SSUH2: variants seen among roughly 807,000 people sequenced by gnomAD.
SSUH2 encodes ssu-2 homolog, also known as protein SSUH2 homolog.
In SSUH2, 47 loss-of-function variants were observed where a neutral mutation model predicts 55.3. That is an observed-to-expected ratio of 0.85 (90% confidence interval 0.67 to 1.08). SSUH2 has a LOEUF of 1.08. SSUH2 is among the 50% of genes least tolerant of loss of function. SSUH2 has a pLI of 0.00. For synonymous variants in SSUH2, 212 were observed against 191.5 expected (o/e 1.11, Z -0.89); for missense variants, 535 against 490.7 (o/e 1.09, Z -0.85).
At chr3:8,647,284 C>T (rs547802586), upstream of SSUH2, among the ~76,000 whole-genome samples, 7 of 152,356 alleles carry the variant, frequency 4.6e-5, no homozygotes, top group East Asian at 7.7e-4. Context: ...CGCAGGCATG[C>T]GGAGAGCTGG....
At chr3:8,672,905 C>T (rs750974642) in intron 3 of SSUH2, among the ~76,000 whole-genome samples, 1 of 152,058 alleles carries the variant, frequency 6.6e-6, no homozygotes, top group Non-Finnish European at 1.5e-5. Context: ...GGTGGGTGTA[C>T]ACCTGCTGCG....
At chr3:8,660,176 G>A (rs1240364900) in intron 6 of SSUH2, among the ~76,000 whole-genome samples, 2 of 152,170 alleles carry the variant, frequency 1.3e-5, no homozygotes, top group African/African-American at 4.8e-5. Context: ...TACCTGGCTA[G>A]TTGTAATGCA....
At chr3:8,646,518 G>A (rs752752082), upstream of SSUH2, among the ~76,000 whole-genome samples, 2 of 152,218 alleles carry the variant, frequency 1.3e-5, no homozygotes, top group Non-Finnish European at 2.9e-5. Context: ...GTGCTGATCA[G>A]CAGAAATGAC....
At position 8,629,704 on chromosome 3, in the gene SSUH2, C is replaced by A. The variant is rs113259595; in HGVS notation, c.548G>T (p.Arg183Leu). 6.3e-6 allele frequency: 10 copies of A among 1,590,326 alleles called. No individual in the cohort carries two copies. In the Admixed American group the frequency reaches 1.5e-4, roughly 24 times the overall value. ...GCAGCCGCTGCACTTGTACCGCCCA[C>A]GCCCATGGCATTTGTGGCATTCCTG... is the stretch of plus-strand genomic sequence containing the variant. ...LVKECHKCHG[R>L]GRYKCSGCHG... is the part of the protein sequence containing the mutation. Residue 183 changes from arginine to leucine, a missense_variant, in exon 7 of 12, where the codon CGT (arginine) becomes CTT (leucine). Transcript: ENST00000544814.
intron 3 of SSUH2, 136 bp downstream of exon 3, chr3:8,635,164 G>A: frequency 1.5e-6 from 1 of 662,076 alleles, no homozygotes; most frequent in South Asian, 2.1e-5. Context: ...CCCATCCCTG[G>A]AGGATCTGGT....
intron 5 of SSUH2, among the ~76,000 whole-genome samples, chr3:8,667,928 C>G (rs951848695): frequency 2.6e-5 from 4 of 152,138 alleles, no homozygotes; most frequent in Non-Finnish European, 5.9e-5. Flanking sequence ...TTAGTACCCA[C>G]CCACGGAGGG....
At chr3:8,640,595 G>A (rs946343808) in intron 1 of SSUH2, among the ~76,000 whole-genome samples, 1 of 152,040 alleles carries the variant, frequency 6.6e-6, no homozygotes, top group Admixed American at 6.5e-5. Context: ...TGTGGAAGAC[G>A]GCAACAGTAG....
At chr3:8,622,691 C>T (rs1186468208) in intron 11 of SSUH2, among the ~76,000 whole-genome samples, 1 of 152,218 alleles carries the variant, frequency 6.6e-6, no homozygotes, top group South Asian at 2.1e-4. Context: ...AAAAATGCAT[C>T]TTCTCTCTCC....
At chr3:8,630,537 T>A (rs1370059051) in intron 6 of SSUH2, among the ~76,000 whole-genome samples, 2 of 152,252 alleles carry the variant, frequency 1.3e-5, no homozygotes, top group Admixed American at 6.5e-5. Flanking sequence ...TGTCCAGGAA[T>A]GTCACTGCTC....
intron 3 of SSUH2, chr3:8,634,662 G>T (rs950080761): frequency 8.9e-7 from 1 of 1,123,170 alleles, no homozygotes; most frequent in Middle Eastern, 2.3e-4. Context: ...ATGGAAAGTG[G>T]GTGTCCATGG....
chr3:8,627,456 G>C (rs6781398), intron 8 of SSUH2: 10,233 of 386,124 alleles, frequency 0.027, 898 homozygotes, highest in African/African-American at 0.19. Context: ...CCCTGCAGTG[G>C]CTCTTTCTTC....
At chr3:8,664,286 C>T (rs1194004796) in intron 5 of SSUH2, among the ~76,000 whole-genome samples, 2 of 152,238 alleles carry the variant, frequency 1.3e-5, no homozygotes, top group Non-Finnish European at 2.9e-5. Flanking sequence ...GAATCCTTGT[C>T]CATTGGGATC....
upstream of SSUH2, among the ~76,000 whole-genome samples, chr3:8,645,184 G>A (rs943196399): frequency 1.4e-4 from 21 of 152,186 alleles, no homozygotes; most frequent in Admixed American, 1.3e-3. Flanking sequence ...TGCAGAAAAA[G>A]GTCATAACCA....
chr3:8,623,689 G>A (rs1368170354), intron 10 of SSUH2, 33 bp from the exon 11 acceptor site: 4 of 1,189,780 alleles, frequency 3.4e-6, no homozygotes, highest in African/African-American at 1.5e-5. Flanking sequence ...CAGACCACCT[G>A]GCTGCCGCAC....
intron 5 of SSUH2, among the ~76,000 whole-genome samples, chr3:8,668,815 C>T (rs1029105987): frequency 1.3e-5 from 2 of 151,708 alleles, no homozygotes; most frequent in African/African-American, 2.4e-5. Context: ...TCTTTGTGAT[C>T]GAAAAAAAAG....
chr3:8,633,237 A>G (rs1001249080), intron 4 of SSUH2, among the ~76,000 whole-genome samples: 1 of 144,016 alleles, frequency 6.9e-6, no homozygotes, highest in African/African-American at 2.6e-5. Context: ...TCCGCCTCCC[A>G]GTTTCAAGCA....
upstream of SSUH2, among the ~76,000 whole-genome samples, chr3:8,648,369 C>G (rs533582729): frequency 4.7e-4 from 72 of 152,278 alleles, no homozygotes; most frequent in Admixed American, 7.8e-4. Flanking sequence ...TTTCACTGAC[C>G]TGGCTACTTA....
chr3:8,660,602 T>C (rs1484725095), intron 6 of SSUH2, among the ~76,000 whole-genome samples: 2 of 152,254 alleles, frequency 1.3e-5, no homozygotes, highest in African/African-American at 2.4e-5. Context: ...TTATTGTTAC[T>C]GCTCCTTTCC....
At chr3:8,644,518 G>C (rs78279876) in intron 1 of SSUH2, among the ~76,000 whole-genome samples, 1,871 of 152,312 alleles carry the variant, frequency 0.012, 39 homozygotes, top group African/African-American at 0.042. Flanking sequence ...GAGGAAGGAA[G>C]GAAGGAAGGG....
Sources: gnomAD v4.1 joint callset for allele counts (sites outside exome capture counted in the v4.1 genomes callset) on GRCh38, gnomAD v4.1.1 for gene constraint, MANE v1.5 for transcripts, NCBI Gene and HGNC (gene_info 2026-07-23, HGNC 2026-07-21) for gene names.